CFI: variants seen among roughly 807,000 people sequenced by gnomAD.
CFI encodes the protein complement factor I.
A neutral mutation model predicts 78.8 loss-of-function variants in CFI; 66 were observed. The ratio of observed to expected loss-of-function variants is 0.84; its 90% CI spans 0.69 to 1.03. The LOEUF is 1.03. Ranked by LOEUF, CFI falls within the 50% of genes least tolerant of loss-of-function variation. The pLI is 0.00. For missense variants in CFI, 706 were observed against 704.5 expected (o/e 1.00, Z -0.02); for synonymous variants, 250 against 232.6 (o/e 1.07, Z -0.68).
intron 7 of CFI, among the ~76,000 whole-genome samples, chr4:109,755,107 T>G (rs112585271): frequency 1.3e-5 from 2 of 152,118 alleles, no homozygotes; most frequent in South Asian, 4.1e-4. Flanking sequence ...GAAAGAAATA[T>G]AAAATTGAGC....
At chr4:109,771,824 G>A (rs1451695786) in intron 1 of CFI, among the ~76,000 whole-genome samples, 1 of 150,732 alleles carries the variant, frequency 6.6e-6, no homozygotes, top group Non-Finnish European at 1.5e-5. Context: ...AGTAAAGAGA[G>A]ATTTTTGTTT....
the CFI span, among the ~76,000 whole-genome samples, chr4:109,732,279 T>G: frequency 2.6e-5 from 4 of 152,238 alleles, no homozygotes; most frequent in African/African-American, 7.2e-5. Context: ...TCTTCTGGCT[T>G]GATGCAGCTG....
the CFI span, among the ~76,000 whole-genome samples, chr4:109,735,414 G>T: frequency 6.6e-6 from 1 of 151,958 alleles, no homozygotes; most frequent in Admixed American, 6.6e-5. Flanking sequence ...AAATTTGTGG[G>T]GTTTAACGTA....
chr4:109,742,549 T>C lies in CFI; in HGVS notation c.1476A>G (p.Ile492Met). ...TTCCGTAAAACTTAGAGCAGTTGCTTATTAGTTTAACTTCACCCCACTGAA... is the reference window on the plus strand; with the variant it reads ...TTCCGTAAAACTTAGAGCAGTTGCTCATTAGTTTAACTTCACCCCACTGAA... ...FSLQWGEVKL[I>M]SNCSKFYGNR... is the part of the protein sequence containing the mutation. Residue 492 changes from isoleucine to methionine, a missense_variant, in exon 12 of 13, where the codon ATA becomes ATG. Coordinates refer to ENST00000394634, the MANE Select transcript of CFI (RefSeq NM_000204.5). 1.2e-6 allele frequency: 2 copies of C among 1,613,818 alleles called. No individual in the cohort carries two copies. Among genetic ancestry groups the C allele is most frequent in the Admixed American group, 1.7e-5 (1 of 60,012 alleles).
At chr4:109,757,953 C>A in intron 6 of CFI, 170 bp from the exon 7 acceptor site, 1 of 1,462,962 alleles carries the variant, frequency 6.8e-7, no homozygotes, top group South Asian at 1.3e-5. Context: ...TGTAGGATGT[C>A]TAGCTGCTAA....
intron 2 of CFI, among the ~76,000 whole-genome samples, chr4:109,765,180 A>T (rs1240386156): frequency 6.6e-6 from 1 of 152,216 alleles, no homozygotes; most frequent in Admixed American, 6.5e-5. Flanking sequence ...CTGCCTTTCC[A>T]ACAGGGATGA....
chr4:109,735,879 G>A (rs1251607997), downstream of CFI, among the ~76,000 whole-genome samples: 3 of 152,238 alleles, frequency 2.0e-5, no homozygotes, highest in African/African-American at 7.2e-5. Context: ...TTACAGTGGT[G>A]TGAAAGCAAG....
At chr4:109,747,454 G>A (rs1724618449) in intron 10 of CFI, among the ~76,000 whole-genome samples, 1 of 152,112 alleles carries the variant, frequency 6.6e-6, no homozygotes, top group Non-Finnish European at 1.5e-5. Context: ...ACCGCACCTG[G>A]CCTCTTATCA....
intron 1 of CFI, among the ~76,000 whole-genome samples, chr4:109,773,991 G>A (rs1481227691): frequency 6.6e-6 from 1 of 152,054 alleles, no homozygotes; most frequent in African/African-American, 2.4e-5. Context: ...TCACATCTTG[G>A]GATATATGAA....
Position 109,758,433 on chromosome 4 carries a change from A to G in CFI, c.884-650T>C, listed in dbSNP as rs1001407322. Among the ~76,000 whole-genome samples the G allele has an allele frequency of 2.0e-5, 3 of 152,146 alleles. No homozygotes were observed. The East Asian group carries it at 5.8e-4, about 29-fold the overall frequency. On this transcript the variant is annotated intron_variant, in intron 6 of 12. Coordinates refer to ENST00000394634, the MANE Select transcript of CFI (RefSeq NM_000204.5). The stretch of plus-strand genomic sequence containing the variant: ...ATGGAAGCAAAGAGTCAGTCTGTAT[A>G]GTCTAGAATAGGTACATAAGGAATA...
chr4:109,766,766 G>A lies in CFI; in HGVS notation c.116C>T (p.Thr39Ile). The A allele has an allele frequency of 6.2e-7, 1 of 1,614,158 alleles. No homozygotes were observed. Among genetic ancestry groups the A allele is most frequent in the Non-Finnish European group, 8.5e-7 (1 of 1,180,006 alleles). The change falls in exon 2 of 13, where the codon ACT becomes ATT. Residue 39 changes from threonine (T) to isoleucine (I), a missense_variant. By Grantham distance (89) the Thr-to-Ile change is moderately conservative. Transcript: ENST00000394634. The stretch of plus-strand genomic sequence containing the variant: ...GAAGACTTTATCGCAGGAGAGGTGA[G>A]TATATTTTTTTGCTAAGCACTTTTT... The part of the protein sequence containing the change: ...VEKKCLAKKY[T>I]HLSCDKVFCQ...
Position 109,788,547 on chromosome 4 carries a change from T to C in CFI, c.57+13368A>G, listed in dbSNP as rs1379144932. Among the ~76,000 whole-genome samples the C allele has an allele frequency of 2.0e-5, 3 of 152,090 alleles. No individual in the cohort carries two copies. In the South Asian group the frequency reaches 6.2e-4, roughly 31 times the overall value. On this transcript the variant is annotated intron_variant, in intron 1 of 12. Coordinates refer to ENST00000394634, the MANE Select transcript of CFI (RefSeq NM_000204.5). Reference sequence around the variant, plus strand: ...ATTTTTTCTTGTTTTTTGTAGTAACTCTTTATATATTAAAGAAACCAGCAC... The same window carrying C: ...ATTTTTTCTTGTTTTTTGTAGTAACCCTTTATATATTAAAGAAACCAGCAC...
chr4:109,775,554 T>C (rs1207535137), intron 1 of CFI, among the ~76,000 whole-genome samples: 3 of 152,208 alleles, frequency 2.0e-5, no homozygotes, highest in Non-Finnish European at 2.9e-5. Context: ...CCTGCCTCTG[T>C]AGACTCCACC....
In CFI at chr4:109,780,389, T is replaced by G. The variant is rs554303511; in HGVS notation, c.58-13565A>C. Among the ~76,000 whole-genome samples the G allele has an allele frequency of 2.6e-5, 4 of 152,118 alleles. No homozygotes were observed. The South Asian group carries it at 8.3e-4, about 32-fold the overall frequency. On this transcript the variant is annotated intron_variant, in intron 1 of 12. Coordinates refer to ENST00000394634, the MANE Select transcript of CFI (RefSeq NM_000204.5). ...GACATTTATGCAGCCAACAGACACA[T>G]GAAAAAATGCTCATCATCACTGGCC...
chr4:109,760,774 A>G (rs1350843708), intron 4 of CFI, 138 bp from the exon 5 acceptor site: 1 of 680,628 alleles, frequency 1.5e-6, no homozygotes, highest in African/African-American at 1.8e-5. Context: ...GGTATTATCA[A>G]CATAGTACAT....
chr4:109,739,382 A>G (rs1337842163), downstream of CFI, among the ~76,000 whole-genome samples: 1 of 152,128 alleles, frequency 6.6e-6, no homozygotes, highest in Non-Finnish European at 1.5e-5. Context: ...CTCTCTTGTC[A>G]TGTGTCTTAT....
At position 109,746,308 on chromosome 4, in the gene CFI, C is replaced by T. The variant is rs139952851; in HGVS notation, c.1343G>A (p.Arg448His). The T allele has an allele frequency of 7.5e-5, 121 of 1,614,160 alleles. 2 individuals are homozygous for T. The South Asian group carries it at 9.4e-4, about 13-fold the overall frequency. The part of the protein sequence containing the change: ...DGNKKDCELP[R>H]SIPACVPWSP... ...CCAGGGGACACAGGCAGGGATGGAA[C>T]GAGGCAGCTCACAATCTTTTTTGTT... The change falls in exon 11 of 13, where the codon CGT (arginine) becomes CAT (histidine). Residue 448 changes from arginine (R) to histidine (H), a missense_variant. Physicochemically the swap from Arg to His is conservative, Grantham distance 29. Transcript: ENST00000394634.
chr4:109,738,112 C>T (rs1339881215), downstream of CFI, among the ~76,000 whole-genome samples: 158 of 130,244 alleles, frequency 1.2e-3, no homozygotes, highest in Non-Finnish European at 1.8e-3. Flanking sequence ...GAGTACTTTT[C>T]TTTTTTTTTT....
At chr4:109,790,606 T>C (rs1731256185) in intron 1 of CFI, among the ~76,000 whole-genome samples, 1 of 152,072 alleles carries the variant, frequency 6.6e-6, no homozygotes, top group Non-Finnish European at 1.5e-5. Context: ...CATCTTCTAA[T>C]AGGCCCAGTG....
Sources: gnomAD v4.1 joint callset for allele counts (sites outside exome capture counted in the v4.1 genomes callset) on GRCh38, gnomAD v4.1.1 for gene constraint, MANE v1.5 for transcripts, NCBI Gene and HGNC (gene_info 2026-07-23, HGNC 2026-07-21) for gene names.